RIF1: variants seen among roughly 807,000 people sequenced by gnomAD.
The protein encoded by RIF1 is telomere-associated protein RIF1.
In RIF1, 45 loss-of-function variants were observed where a neutral mutation model predicts 247.1. That is an observed-to-expected ratio of 0.18 (90% confidence interval 0.14 to 0.23). The LOEUF is 0.23. RIF1 is among the 10% of genes least tolerant of loss of function. The pLI is 1.00. For synonymous variants in RIF1, 1,087 were observed against 978.8 expected (o/e 1.11, Z -2.06); for missense variants, 2,967 against 2,862.5 (o/e 1.04, Z -0.83).
intron 11 of RIF1, among the ~76,000 whole-genome samples, chr2:151,502,008 G>GTGTT (rs1381055686): frequency 6.6e-6 from 1 of 152,192 alleles, no homozygotes; most frequent in African/African-American, 2.4e-5. Flanking sequence ...GTGAATTGCT[G>GTGTT]TGTTGTCTTT....
intron 28 of RIF1, 29 bp downstream of exon 28, chr2:151,462,351 ATC>A: frequency 6.7e-7 from 1 of 1,490,166 alleles, no homozygotes; most frequent in Non-Finnish European, 9.1e-7. Context: ...AAACTTTTAT[ATC>A]TGTTTTATTC....
At chr2:151,448,513 A>G (rs1280571795) in intron 20 of RIF1, among the ~76,000 whole-genome samples, 4 of 152,166 alleles carry the variant, frequency 2.6e-5, no homozygotes, top group African/African-American at 9.7e-5. Flanking sequence ...TTCTAATTGT[A>G]TTTGTCGGAG....
At chr2:151,413,622 G>T (rs909503650) in intron 3 of RIF1, among the ~76,000 whole-genome samples, 2 of 152,158 alleles carry the variant, frequency 1.3e-5, no homozygotes, top group African/African-American at 4.8e-5. Flanking sequence ...ACATTTACTA[G>T]CTGTTATCCA....
rs761515769 is a variant in RIF1 at position 151,455,027 on chromosome 2, C to T, written c.2477C>T (p.Thr826Ile). The change falls in exon 22 of 36, where the codon ACC becomes ATC. Residue 826 changes from threonine to isoleucine, a missense_variant. Physicochemically the swap from Thr to Ile is moderately conservative, Grantham distance 89. Coordinates refer to ENST00000444746, the MANE Select transcript of RIF1 (RefSeq NM_018151.5). ...AGCTTCAAGGAAGCACATTCTGATA[C>T]CCTCTTCACTATTGGCAACTCAATC... ...TLSFKEAHSD[T>I]LFTIGNSITG... 1.2e-5 allele frequency: 19 copies of T among 1,613,860 alleles called. No individual in the cohort carries two copies. Among genetic ancestry groups the T allele is most frequent in the Admixed American group, 3.3e-5 (2 of 60,008 alleles).
At chr2:151,448,582 G>A (rs987552281) in intron 20 of RIF1, among the ~76,000 whole-genome samples, 1 of 152,154 alleles carries the variant, frequency 6.6e-6, no homozygotes, top group African/African-American at 2.4e-5. Context: ...TGTTTTGTTA[G>A]ATTTGGAATA....
Position 151,453,730 on chromosome 2 carries a change from TC to T in RIF1, c.2345-1162del, listed in dbSNP as rs2152451350. Among the ~76,000 whole-genome samples, 2 of 152,326 alleles carry T rather than the reference TC, an allele frequency of 1.3e-5. 1 individual carries two copies. The highest frequency in any genetic ancestry group is 4.1e-4 in the South Asian group (2 of 4,824). On this transcript the variant is annotated intron_variant, in intron 21 of 35. Coordinates refer to ENST00000444746, the MANE Select transcript of RIF1 (RefSeq NM_018151.5). Reference sequence around the variant, plus strand: ...GTAGTTCTTTTTCAATTCATTATTTTCCCATTACTGGTGATGTTAACACTTC... The same window carrying T: ...GTAGTTCTTTTTCAATTCATTATTTTCCATTACTGGTGATGTTAACACTTC...
Position 151,460,108 on chromosome 2 carries a change from C to A in RIF1, c.3064C>A (p.Pro1022Thr). 6.5e-7 allele frequency: 1 copy of A among 1,546,756 alleles called. No individual in the cohort carries two copies. Among genetic ancestry groups the A allele is most frequent in the Admixed American group, 2.0e-5 (1 of 49,672 alleles). ...AAAGAATAAAAAAGAAAATATGAAA[C>A]CAGCAGCCAAAGTATGTTTTCAAAA... Reference protein sequence around the residue: ...QTKNKKENMKPAAKLKLESSS... With the variant: ...QTKNKKENMKTAAKLKLESSS... The change falls in exon 26 of 36, where the codon CCA (proline) becomes ACA (threonine). Residue 1022 changes from proline to threonine, a missense_variant. By Grantham distance (38) the Pro-to-Thr change is conservative. Transcript: ENST00000444746.
chr2:151,466,225 A>G (rs1470129993), intron 30 of RIF1, 105 bp downstream of exon 30: 3 of 668,796 alleles, frequency 4.5e-6, no homozygotes, highest in Non-Finnish European at 7.8e-6. Flanking sequence ...TTATATGGCC[A>G]CTCATTTGAT....
chr2:151,528,391 A>G, the RIF1 span, among the ~76,000 whole-genome samples: 1 of 152,154 alleles, frequency 6.6e-6, no homozygotes, highest in Non-Finnish European at 1.5e-5. Context: ...TTTTCCCCTC[A>G]TTTTATTTTG....
At chr2:151,419,119 C>T (rs759131137) in intron 6 of RIF1, among the ~76,000 whole-genome samples, 7 of 151,866 alleles carry the variant, frequency 4.6e-5, no homozygotes, top group Non-Finnish European at 1.0e-4. Context: ...CAGTAACATG[C>T]ATGGAGCTGT....
chr2:151,501,137 C>G (rs2064151378), intron 11 of RIF1, among the ~76,000 whole-genome samples: 1 of 152,012 alleles, frequency 6.6e-6, no homozygotes, highest in Non-Finnish European at 1.5e-5. Context: ...AATCAATTAA[C>G]TTCAACAGTC....
chr2:151,511,730 T>G (rs901126739), downstream of RIF1, among the ~76,000 whole-genome samples: 1 of 152,196 alleles, frequency 6.6e-6, no homozygotes, highest in East Asian at 1.9e-4. Flanking sequence ...GATGGCCTAC[T>G]TTTCTTCATC....
intron 7 of RIF1, among the ~76,000 whole-genome samples, chr2:151,422,304 T>C (rs1688323385): frequency 6.6e-6 from 1 of 152,068 alleles, no homozygotes; most frequent in South Asian, 2.1e-4. Flanking sequence ...ATGATATGCA[T>C]GCTGACATTT....
rs149289255 is a variant in RIF1 at position 151,446,412 on chromosome 2, G to T, written c.2095-14G>T. ...ATATATTAACAAAACTTCTTTTTTT[G>T]TTGTTATTGGTAGGCCACCATGAAG... On this transcript the variant is annotated splice_polypyrimidine_tract_variant and intron_variant, in intron 19 of 35. Coordinates refer to ENST00000444746, the MANE Select transcript of RIF1 (RefSeq NM_018151.5). The T allele has an allele frequency of 6.2e-7, 1 of 1,606,866 alleles. No homozygotes were observed. The highest frequency in any genetic ancestry group is 2.2e-5 in the East Asian group (1 of 44,628).
At chr2:151,482,872 C>G (rs938305764), downstream of RIF1, among the ~76,000 whole-genome samples, 2 of 152,274 alleles carry the variant, frequency 1.3e-5, no homozygotes, top group Middle Eastern at 3.4e-3. Flanking sequence ...TCCCATACCT[C>G]TCCCCAGCTA....
chr2:151,424,065 A>C (rs761961713), intron 8 of RIF1, among the ~76,000 whole-genome samples: 1 of 152,170 alleles, frequency 6.6e-6, no homozygotes, highest in Non-Finnish European at 1.5e-5. Context: ...TATAACATAT[A>C]TGCCCTTCCG....
chr2:151,462,698 ATAT>A (rs1165875154), intron 29 of RIF1, among the ~76,000 whole-genome samples, 183 bp from the exon 30 acceptor site: 1 of 152,094 alleles, frequency 6.6e-6, no homozygotes, highest in Non-Finnish European at 1.5e-5. Context: ...CTTTTCTTGA[ATAT>A]TTACAATTAG....
intron 13 of RIF1, chr2:151,507,052 ATTGCT>A (rs1289170191): frequency 8.0e-7 from 1 of 1,252,282 alleles, no homozygotes; most frequent in Non-Finnish European, 1.2e-6. Context: ...AGATTTCAAC[ATTGCT>A]TTGTTTTCTT....
rs546241751 is a variant in RIF1, at chr2:151,462,856, G to A, written c.3364-28G>A. ...GTTTGCTGGTTATTAATCTGTGTGT[G>A]TATATATATGTATATATTTCTGTGC... On this transcript the variant is annotated intron_variant, in intron 29 of 35. Transcript: ENST00000444746. 276 of 1,427,514 alleles carry A rather than the reference G, an allele frequency of 1.9e-4. 5 individuals are homozygous for A. In the South Asian group the frequency reaches 3.3e-3, roughly 17 times the overall value. The allele number at this position is 1,427,514 out of a possible 1,614,324, so 88.4% of individuals were successfully genotyped here.
Sources: allele counts gnomAD v4.1 joint callset (sites outside exome capture counted in the v4.1 genomes callset), GRCh38; gene constraint gnomAD v4.1.1; transcripts MANE v1.5; gene names NCBI Gene and HGNC (gene_info 2026-07-23, HGNC 2026-07-21).